Variants in PYCR1 observed in about 807,000 individuals in gnomAD.
PYCR1 encodes pyrroline-5-carboxylate reductase 1, mitochondrial.
Under a neutral mutation model 22.9 loss-of-function variants are expected in PYCR1, and 19 were observed. The observed-to-expected ratio is 0.83, with a 90% CI of 0.58 to 1.22. The LOEUF (loss-of-function observed/expected upper bound fraction) is 1.22, where lower values mean the gene tolerates loss of function less well. Ranked by LOEUF, PYCR1 falls within the 50% of genes most tolerant of loss-of-function variation. The pLI, the probability that PYCR1 is intolerant of heterozygous loss-of-function variation, is 0.00. For synonymous variants in PYCR1, 175 were observed against 180.5 expected (o/e 0.97, Z 0.24); for missense variants, 429 against 431.3 (o/e 0.99, Z 0.05).
Position 81,932,961 on chromosome 17 carries a change from G to A in PYCR1, c.*253C>T, listed in dbSNP as rs182308104. 1 of 1,611,176 alleles carries A rather than the reference G, an allele frequency of 6.2e-7. No individual in the cohort carries two copies. Among genetic ancestry groups the A allele is most frequent in the Non-Finnish European group, 8.5e-7 (1 of 1,179,286 alleles). On this transcript the variant is annotated 3_prime_UTR_variant, in exon 7 of 7. Coordinates refer to ENST00000329875, the MANE Select transcript of PYCR1 (RefSeq NM_006907.4). Reference sequence around the variant, plus strand: ...GGCTCCCGAGCTCTAGAGGAAGGTGGTCCTGACATGGTTTGGGAGCAGAGA... The same window carrying A: ...GGCTCCCGAGCTCTAGAGGAAGGTGATCCTGACATGGTTTGGGAGCAGAGA...
Position 81,937,138 on chromosome 17 carries a change from G to A in PYCR1, c.-324C>T. On this transcript the variant is annotated 5_prime_UTR_variant, in exon 1 of 7. Coordinates refer to ENST00000329875, the MANE Select transcript of PYCR1 (RefSeq NM_006907.4). The stretch of plus-strand genomic sequence containing the variant: ...GGAGAGGGAGGGCCCGGCGCCTAGG[G>A]GTCCCCCGTCTGGGTTCCCACCCCG... 7.0e-7 allele frequency: 1 copy of A among 1,431,648 alleles called. No homozygotes were observed. Among genetic ancestry groups the A allele is most frequent in the East Asian group, 2.6e-5 (1 of 39,206 alleles). 88.7% of individuals were successfully genotyped at this position (1,431,648 alleles called of 1,614,324 possible).
intron 2 of PYCR1, among the ~76,000 whole-genome samples, chr17:81,935,833 T>A (rs1485697094): frequency 1.3e-5 from 2 of 152,202 alleles, no homozygotes; most frequent in Non-Finnish European, 2.9e-5. Context: ...CCCCCAGGTG[T>A]GTTCCTTGGC....
Position 81,933,334 on chromosome 17 carries a change from G to T in PYCR1, c.840C>A (p.Ala280=). 6.2e-7 allele frequency: 1 copy of T among 1,613,922 alleles called. No homozygotes were observed. The highest frequency in any genetic ancestry group is 8.5e-7 in the Non-Finnish European group (1 of 1,179,992). Residue 280 remains alanine, a synonymous_variant, in exon 7 of 7, where the codon GCC becomes GCA. Transcript: ENST00000329875. ...TGTCCAGGATGGTCTTCTTGATGGCGGCTGGTGACACCTGCTCCTGGTCAG... is the reference window on the plus strand; with the variant it reads ...TGTCCAGGATGGTCTTCTTGATGGCTGCTGGTGACACCTGCTCCTGGTCAG... The part of the protein sequence containing the change: ...SMADQEQVSP[A]AIKKTILDKV...
At position 81,934,447 on chromosome 17, in the gene PYCR1, G is replaced by T; in HGVS notation, c.676C>A (p.Gln226Lys). The T allele has an allele frequency of 1.2e-6, 2 of 1,610,300 alleles. No individual in the cohort carries two copies. Among genetic ancestry groups the T allele is most frequent in the Admixed American group, 1.7e-5 (1 of 59,536 alleles). ...MLLHSEQHPG[Q>K]LKDNVSSPGG... The stretch of plus-strand genomic sequence containing the variant: ...GGAGAGCTGACGTTGTCCTTGAGCT[G>T]GCCTGGGTGCTGTTCTGAGTGCAGC... The change falls in exon 6 of 7, where the codon CAG becomes AAG. Residue 226 changes from glutamine (Q) to lysine (K), a missense_variant. Gln to Lys is a moderately conservative substitution (Grantham distance 53). Coordinates refer to ENST00000329875, the MANE Select transcript of PYCR1 (RefSeq NM_006907.4).
intron 6 of PYCR1, 100 bp downstream of exon 6, chr17:81,934,226 A>G (rs533172285): frequency 2.0e-6 from 3 of 1,528,858 alleles, no homozygotes; most frequent in African/African-American, 1.4e-5. Context: ...CTGGAGCTCA[A>G]TACGTATCTG....
At chr17:81,935,259 T>C in intron 3 of PYCR1, 78 bp downstream of exon 3, 1 of 1,591,964 alleles carries the variant, frequency 6.3e-7, no homozygotes, top group East Asian at 2.2e-5. Context: ...GCAACCCTTT[T>C]GCAGATGAAA....
At position 81,937,049 on chromosome 17, in the gene PYCR1, C is replaced by A; in HGVS notation, c.-235G>T. The A allele has an allele frequency of 1.4e-6, 2 of 1,442,492 alleles. No individual in the cohort carries two copies. The highest frequency in any genetic ancestry group is 1.8e-6 in the Non-Finnish European group (2 of 1,100,282). 89.4% of individuals were successfully genotyped at this position (1,442,492 alleles called of 1,614,324 possible). A position where few individuals can be genotyped will look rare whatever the true frequency, so the allele number is the denominator to read the frequency against. ...CGGTGCCTGGCCTGCTGCCTAGGGT[C>A]CCGCACCCACTGGAGGGGTGGAGGT... On this transcript the variant is annotated 5_prime_UTR_variant, in exon 1 of 7. Transcript: ENST00000329875.
rs200631132 is a variant in PYCR1 at position 81,936,653 on chromosome 17, T to G, written c.67+95A>C. On this transcript the variant is annotated intron_variant, in intron 1 of 6. Coordinates refer to ENST00000329875, the MANE Select transcript of PYCR1 (RefSeq NM_006907.4). ...CAGTTCCCGCAGGACTCAGGCCTTG[T>G]GACCCAGCACCCACCTTCAGCCCCC... 6 of 1,388,148 alleles carry G rather than the reference T, an allele frequency of 4.3e-6. No individual in the cohort carries two copies. In the East Asian group the frequency reaches 1.5e-4, roughly 35 times the overall value. The allele number at this position is 1,388,148 out of a possible 1,614,324, so 86.0% of individuals were successfully genotyped here.
chr17:81,935,177 C>G (rs781480732), intron 3 of PYCR1, 30 bp from the exon 4 acceptor site: 1 of 1,588,038 alleles, frequency 6.3e-7, no homozygotes, highest in Non-Finnish European at 8.6e-7. Flanking sequence ...GTCCGTCTGG[C>G]CATGGACGCA....
chr17:81,933,098 G>A lies in PYCR1; in HGVS notation c.*116C>T. 25 of 1,596,668 alleles carry A rather than the reference G, an allele frequency of 1.6e-5. No individual in the cohort carries two copies. Among genetic ancestry groups the A allele is most frequent in the Non-Finnish European group, 2.1e-5 (25 of 1,176,630 alleles). On this transcript the variant is annotated 3_prime_UTR_variant, in exon 7 of 7. Coordinates refer to ENST00000329875, the MANE Select transcript of PYCR1 (RefSeq NM_006907.4). Reference sequence around the variant, plus strand: ...GTGGCCCCTCCCTGGCTATGTCCCTGGCTGGCCCCTGCGCTGATCAGAGCC... The same window carrying A: ...GTGGCCCCTCCCTGGCTATGTCCCTAGCTGGCCCCTGCGCTGATCAGAGCC...
At position 81,934,970 on chromosome 17, in the gene PYCR1, G is replaced by C. The variant is rs752381854; in HGVS notation, c.496C>G (p.Leu166Val). Residue 166 changes from leucine to valine, a missense_variant, in exon 4 of 7, where the codon CTG (leucine) becomes GTG (valine). By Grantham distance (32) the Leu-to-Val change is conservative. Transcript: ENST00000329875. ...CTGAGCCCCGTGACGGCATCAATCA[G>C]GTCCTCTTCCACCTCCGTGCAGAAG... ...VGFCTEVEED[L>V]IDAVTGLSGS... 6 of 1,609,590 alleles carry C rather than the reference G, an allele frequency of 3.7e-6. No individual in the cohort carries two copies. Among genetic ancestry groups the C allele is most frequent in the Middle Eastern group, 2.2e-4 (1 of 4,590 alleles).
In PYCR1 at chr17:81,937,026, GT is replaced by G; in HGVS notation, c.-213del. On this transcript the variant is annotated 5_prime_UTR_variant, in exon 1 of 7. Coordinates refer to ENST00000329875, the MANE Select transcript of PYCR1 (RefSeq NM_006907.4). ...TTCGGGGCCCCCAGTCAGAGCGGCG[GT>G]GCCTGGCCTGCTGCCTAGGGTCCCG... 6.9e-7 allele frequency: 1 copy of G among 1,455,412 alleles called. No homozygotes were observed. Among genetic ancestry groups the G allele is most frequent in the Non-Finnish European group, 9.0e-7 (1 of 1,105,426 alleles). The allele number at this position is 1,455,412 out of a possible 1,614,324, so 90.2% of individuals were successfully genotyped here.
intron 6 of PYCR1, 148 bp from the exon 7 acceptor site, chr17:81,933,524 C>T (rs1209915247): frequency 4.2e-6 from 4 of 960,206 alleles, no homozygotes; most frequent in Non-Finnish European, 6.4e-6. Flanking sequence ...AGCGACACGC[C>T]CCCACACAGC....
In PYCR1 at chr17:81,933,395, G is replaced by A. The variant is rs946246241; in HGVS notation, c.798-19C>T. ...CAGCTCCCTAGAGAGGCAGGGAGAG[G>A]TTGGCTTTGGAGCACAAGCGTGCAC... is the stretch of plus-strand genomic sequence containing the variant. On this transcript the variant is annotated intron_variant, in intron 6 of 6. Coordinates refer to ENST00000329875, the MANE Select transcript of PYCR1 (RefSeq NM_006907.4). The A allele has an allele frequency of 1.2e-6, 2 of 1,612,948 alleles. No homozygotes were observed. Among genetic ancestry groups the A allele is most frequent in the Non-Finnish European group, 1.7e-6 (2 of 1,179,848 alleles).
Position 81,936,142 on chromosome 17 carries a change from G to A in PYCR1, c.119C>T (p.Ala40Val), listed in dbSNP as rs2041182523. ...ACCTACCCTGAGAGCAGAAACTGTG[G>A]CCAGGTCCATGTCTGGGGAGCTAGC... The part of the protein sequence containing the change: ...IMASSPDMDL[A>V]TVSALRKMGV... Residue 40 changes from alanine (A) to valine (V), a missense_variant, in exon 2 of 7, where the codon GCC becomes GTC. Ala to Val is a moderately conservative substitution (Grantham distance 64, BLOSUM62 0). Coordinates refer to ENST00000329875, the MANE Select transcript of PYCR1 (RefSeq NM_006907.4). The A allele has an allele frequency of 8.7e-6, 14 of 1,613,928 alleles. No individual in the cohort carries two copies. Among genetic ancestry groups the A allele is most frequent in the Non-Finnish European group, 1.1e-5 (13 of 1,179,904 alleles).
chr17:81,934,811 C>T, intron 4 of PYCR1, 66 bp from the exon 5 acceptor site: 1 of 1,536,022 alleles, frequency 6.5e-7, no homozygotes, highest in Non-Finnish European at 8.8e-7. Flanking sequence ...GGGCAAGCTC[C>T]AGTTCCCACA....
At chr17:81,933,417 G>A (rs929590075) in intron 6 of PYCR1, 41 bp from the exon 7 acceptor site, 7 of 1,609,916 alleles carry the variant, frequency 4.3e-6, no homozygotes, top group Non-Finnish European at 5.9e-6. Flanking sequence ...GCACAAGCGT[G>A]CACCCAGGAA....
Position 81,937,197 on chromosome 17 carries a change from C to A in PYCR1, c.-383G>T. 6.8e-7 allele frequency: 1 copy of A among 1,476,418 alleles called. No individual in the cohort carries two copies. Among genetic ancestry groups the A allele is most frequent in the Non-Finnish European group, 8.9e-7 (1 of 1,118,304 alleles). The allele number at this position is 1,476,418 out of a possible 1,614,324, so 91.5% of individuals were successfully genotyped here. A position where few individuals can be genotyped will look rare whatever the true frequency, so the allele number is the denominator to read the frequency against. On this transcript the variant is annotated 5_prime_UTR_variant, in exon 1 of 7. Coordinates refer to ENST00000329875, the MANE Select transcript of PYCR1 (RefSeq NM_006907.4). ...TGGGCTACCGTCGCGCCCCACCCGG[C>A]GACCGCCGCCCACCATTCCCGGAGC...
intron 3 of PYCR1, 49 bp downstream of exon 3, chr17:81,935,288 C>A (rs766201713): frequency 1.9e-6 from 3 of 1,604,576 alleles, no homozygotes; most frequent in African/African-American, 2.7e-5. Flanking sequence ...ACTGAGGGCC[C>A]GGGCTCTAGA....
Sources: allele counts gnomAD v4.1 joint callset (sites outside exome capture counted in the v4.1 genomes callset), GRCh38; gene constraint gnomAD v4.1.1; transcripts MANE v1.5; gene names NCBI Gene and HGNC (gene_info 2026-07-23, HGNC 2026-07-21).